The following PDE3A variants were observed in gnomAD, a reference collection of about 807,000 sequenced individuals.
The protein encoded by PDE3A is phosphodiesterase 3A, also known as cGMP-inhibited 3',5'-cyclic phosphodiesterase 3A.
PDE3A carries 43 observed loss-of-function variants against 98.3 expected under a neutral mutation model. The observed-to-expected ratio is 0.44, with a 90% CI of 0.34 to 0.56. The LOEUF is 0.56. PDE3A is among the 20% of genes least tolerant of loss of function. The probability of loss-of-function intolerance (pLI) is 0.01; values close to 1 mark genes in which losing one functional copy is unlikely to be tolerated. For synonymous variants in PDE3A, 663 were observed against 567.9 expected, an observed-to-expected ratio of 1.17 and a Z score of -2.38; for missense variants, 1,427 against 1,440.7, an observed-to-expected ratio of 0.99 and a Z score of 0.15.
intron 8 of PDE3A, among the ~76,000 whole-genome samples, chr12:20,635,579 A>G (rs1381315104): frequency 6.9e-6 from 1 of 144,580 alleles, no homozygotes; most frequent in Non-Finnish European, 1.5e-5. Context: ...CTCTGTCTCA[A>G]AAAAAAAAAA....
intron 2 of PDE3A, among the ~76,000 whole-genome samples, chr12:20,598,391 C>T (rs1195630007): frequency 6.6e-6 from 1 of 151,990 alleles, no homozygotes; most frequent in Admixed American, 6.6e-5. Flanking sequence ...ACCATGTTTG[C>T]CAGGCTAGTT....
chr12:20,639,026 A>AT (rs1278248303), intron 9 of PDE3A, among the ~76,000 whole-genome samples: 2 of 152,122 alleles, frequency 1.3e-5, no homozygotes, highest in Non-Finnish European at 2.9e-5. Flanking sequence ...TCATATCTTC[A>AT]TAAAACACCT....
At chr12:20,510,573 G>A (rs1203747413) in intron 1 of PDE3A, among the ~76,000 whole-genome samples, 1 of 152,042 alleles carries the variant, frequency 6.6e-6, no homozygotes, top group African/African-American at 2.4e-5. Context: ...AGATGGAGAA[G>A]TTGAAGACAC....
intron 15 of PDE3A, among the ~76,000 whole-genome samples, chr12:20,663,262 G>A (rs1945224348): frequency 6.6e-6 from 1 of 152,228 alleles, no homozygotes; most frequent in Admixed American, 6.5e-5. Context: ...CTCTGCTAGG[G>A]CAGTATGGAA....
intron 15 of PDE3A, among the ~76,000 whole-genome samples, chr12:20,663,454 G>A (rs1346217453): frequency 7.0e-6 from 1 of 142,432 alleles, no homozygotes; most frequent in African/African-American, 2.4e-5. Flanking sequence ...TGGAGGGGAG[G>A]TGCTGTACCC....
intron 15 of PDE3A, among the ~76,000 whole-genome samples, chr12:20,672,317 T>C (rs1257600357): frequency 1.4e-5 from 2 of 141,064 alleles, no homozygotes; most frequent in African/African-American, 5.4e-5. Context: ...AAGCTACCAA[T>C]GCCTTTCTTC....
At chr12:20,370,713 A>G (rs923745787) in intron 1 of PDE3A, among the ~76,000 whole-genome samples, 1 of 152,204 alleles carries the variant, frequency 6.6e-6, no homozygotes, top group African/African-American at 2.4e-5. Context: ...ATGATATTAA[A>G]CATTTATGAA....
chr12:20,675,266 T>C (rs2120458863), intron 15 of PDE3A, among the ~76,000 whole-genome samples: 1 of 152,246 alleles, frequency 6.6e-6, no homozygotes, highest in African/African-American at 2.4e-5. Flanking sequence ...TTCATTGTGG[T>C]CTGAGAAGAA....
chr12:20,620,373 G>T (rs950789423), intron 4 of PDE3A, among the ~76,000 whole-genome samples: 3 of 151,986 alleles, frequency 2.0e-5, no homozygotes. Flanking sequence ...GGACACAGGT[G>T]TTAGCAAAAC....
chr12:20,630,301 T>G (rs1446678496), intron 6 of PDE3A, among the ~76,000 whole-genome samples, 174 bp downstream of exon 6: 1 of 152,238 alleles, frequency 6.6e-6, no homozygotes, highest in Non-Finnish European at 1.5e-5. Context: ...TATGTTTTAG[T>G]AGTTTTCTAT....
chr12:20,376,666 G>A (rs1365355380), intron 1 of PDE3A, among the ~76,000 whole-genome samples: 1 of 151,664 alleles, frequency 6.6e-6, no homozygotes, highest in Non-Finnish European at 1.5e-5. Context: ...GTATGTTCAG[G>A]ATTTCCAAAT....
In PDE3A at chr12:20,653,995, C is replaced by A; in HGVS notation, c.2974C>A (p.Arg992Ser). The stretch of plus-strand genomic sequence containing the variant: ...ATTACCCATAAGCCCCTTCATGGAT[C>A]GTTCTGCTCCTCAGCTGGCCAACCT... ...LGLPISPFMD[R>S]SAPQLANLQE... The change falls in exon 15 of 16, where the codon CGT becomes AGT. Residue 992 changes from arginine to serine, a missense_variant. Transcript: ENST00000359062. The A allele has an allele frequency of 1.2e-6, 2 of 1,614,130 alleles. No individual in the cohort carries two copies. The highest frequency in any genetic ancestry group is 1.7e-6 in the Non-Finnish European group (2 of 1,179,992).
chr12:20,520,641 G>A (rs1192129033), intron 1 of PDE3A, among the ~76,000 whole-genome samples: 2 of 152,152 alleles, frequency 1.3e-5, no homozygotes, highest in East Asian at 3.8e-4. Flanking sequence ...AAAGTAGCAG[G>A]ACAACAGATC....
intron 1 of PDE3A, among the ~76,000 whole-genome samples, chr12:20,429,051 C>T (rs1944651660): frequency 6.6e-6 from 1 of 152,166 alleles, no homozygotes; most frequent in African/African-American, 2.4e-5. Context: ...CATACGTACA[C>T]AACACTTAAC....
intron 1 of PDE3A, among the ~76,000 whole-genome samples, chr12:20,498,134 C>T (rs1332664458): frequency 1.3e-5 from 2 of 152,054 alleles, no homozygotes; most frequent in East Asian, 1.9e-4. Context: ...AAGCATTTTC[C>T]ACTATAATCT....
intron 1 of PDE3A, among the ~76,000 whole-genome samples, chr12:20,410,426 C>CT (rs1191392803): frequency 6.6e-6 from 1 of 152,148 alleles, no homozygotes; most frequent in African/African-American, 2.4e-5. Flanking sequence ...AATTTCTGTT[C>CT]TTTCTGCTAG....
At chr12:20,644,811 G>A (rs1482294810) in intron 10 of PDE3A, among the ~76,000 whole-genome samples, 12 of 149,010 alleles carry the variant, frequency 8.1e-5, no homozygotes, top group Admixed American at 6.0e-4. Flanking sequence ...TAGGATTTGA[G>A]CCTCCTCCTC....
chr12:20,495,016 ATTAT>A (rs1386664143), intron 1 of PDE3A, among the ~76,000 whole-genome samples: 2 of 152,206 alleles, frequency 1.3e-5, no homozygotes, highest in Non-Finnish European at 2.9e-5. Flanking sequence ...ATTCTGAATC[ATTAT>A]TTATTTATTT....
At chr12:20,541,153 G>A (rs895763006) in intron 1 of PDE3A, among the ~76,000 whole-genome samples, 2 of 121,056 alleles carry the variant, frequency 1.7e-5, no homozygotes, top group South Asian at 5.6e-4. Context: ...CTGGAGTGCA[G>A]TAGTGCAATC....
Sources: gnomAD v4.1 joint callset for allele counts (sites outside exome capture counted in the v4.1 genomes callset) on GRCh38, gnomAD v4.1.1 for gene constraint, MANE v1.5 for transcripts, NCBI Gene and HGNC (gene_info 2026-07-23, HGNC 2026-07-21) for gene names.